USH2A: variants seen among roughly 807,000 people sequenced by gnomAD.
USH2A encodes usherin.
USH2A carries 443 observed loss-of-function variants against 538.9 expected under a neutral mutation model. The observed-to-expected ratio is 0.82, with a 90% CI of 0.76 to 0.89. USH2A has a LOEUF of 0.89. Among genes scored for constraint, USH2A ranks in the 40% least tolerant of loss-of-function variants. The pLI, the probability that USH2A is intolerant of heterozygous loss-of-function variation, is 0.00. For missense variants in USH2A, 6,633 were observed against 6,324.8 expected (o/e 1.05, Z -1.65); for synonymous variants, 2,413 against 2,273.5 (o/e 1.06, Z -1.75).
At chr1:216,152,866 T>A (rs2102621637) in intron 21 of USH2A, among the ~76,000 whole-genome samples, 1 of 152,274 alleles carries the variant, frequency 6.6e-6, no homozygotes, top group African/African-American at 2.4e-5. Flanking sequence ...TGGCCCACCA[T>A]GCCCCACTAT....
Position 216,097,437 on chromosome 1 carries a change from T to C in USH2A, c.4628-224A>G, listed in dbSNP as rs553439252. Among the ~76,000 whole-genome samples the C allele has an allele frequency of 2.6e-5, 4 of 152,276 alleles. No individual in the cohort carries two copies. The East Asian group carries it at 7.7e-4, about 29-fold the overall frequency. On this transcript the variant is annotated intron_variant, in intron 21 of 71. Transcript: ENST00000307340. ...ATGCCCACATTCCTGCTAATCAATA[T>C]ATAATGAAGTTTAAATTTATGCAAA...
chr1:215,708,294 T>A (rs1348958163), intron 61 of USH2A, among the ~76,000 whole-genome samples: 1 of 152,148 alleles, frequency 6.6e-6, no homozygotes, highest in Non-Finnish European at 1.5e-5. Context: ...AGGGAAGCAT[T>A]TTTGTCTGGT....
intron 3 of USH2A, among the ~76,000 whole-genome samples, chr1:216,395,241 C>T (rs954605710): frequency 6.6e-6 from 1 of 152,138 alleles, no homozygotes; most frequent in Non-Finnish European, 1.5e-5. Context: ...TAACAATCAA[C>T]CGAATGTTAA....
intron 46 of USH2A, among the ~76,000 whole-genome samples, chr1:215,842,465 C>T (rs1663708059): frequency 6.6e-6 from 1 of 152,060 alleles, no homozygotes; most frequent in African/African-American, 2.4e-5. Context: ...TGGGTATATA[C>T]CCAAAGAAAT....
intron 61 of USH2A, among the ~76,000 whole-genome samples, chr1:215,727,125 A>T (rs1659843644): frequency 6.6e-6 from 1 of 152,076 alleles, no homozygotes; most frequent in African/African-American, 2.4e-5. Context: ...GAAAAAAATC[A>T]CCAGTAAGCC....
At position 216,249,972 on chromosome 1, in the gene USH2A, C is replaced by T. The variant is rs139439062; in HGVS notation, c.2167+931G>A. Among the ~76,000 whole-genome samples, 21 of 152,064 alleles carry T rather than the reference C, an allele frequency of 1.4e-4. No homozygotes were observed. In the East Asian group the frequency reaches 4.1e-3, roughly 29 times the overall value. On this transcript the variant is annotated intron_variant, in intron 12 of 71. Transcript: ENST00000307340. Reference sequence around the variant, plus strand: ...TCAGTGTTAGAAAAACCATGGATGACTTGGTGTCTTGAATGACAATAGAAA... The same window carrying T: ...TCAGTGTTAGAAAAACCATGGATGATTTGGTGTCTTGAATGACAATAGAAA...
At chr1:215,868,299 C>A (rs903057037) in intron 43 of USH2A, among the ~76,000 whole-genome samples, 1 of 151,976 alleles carries the variant, frequency 6.6e-6, no homozygotes, top group African/African-American at 2.4e-5. Context: ...TTTACTGCCA[C>A]CTAGGTAGAA....
chr1:215,709,952 C>T (rs918604654), intron 61 of USH2A, among the ~76,000 whole-genome samples: 1 of 152,096 alleles, frequency 6.6e-6, no homozygotes, highest in Non-Finnish European at 1.5e-5. Context: ...TGAAGAAGAC[C>T]GATGCACATA....
In USH2A at chr1:216,078,235, C is replaced by A. The variant is rs781101055; in HGVS notation, c.5426G>T (p.Gly1809Val). ...KWNKVIIKKEGSFISASVNGL... is the reference protein window; with the variant it reads ...KWNKVIIKKEVSFISASVNGL... ...ATTCACACTTGCTGATATGAAAGAG[C>A]CTTCCTTTTTAATAATGACTTTATT... Residue 1809 changes from glycine to valine, a missense_variant, in exon 27 of 72, where the codon GGC becomes GTC. By Grantham distance (109) the Gly-to-Val change is moderately radical (BLOSUM62 -3). Coordinates refer to ENST00000307340, the MANE Select transcript of USH2A (RefSeq NM_206933.4). The A allele has an allele frequency of 6.2e-7, 1 of 1,613,882 alleles. No individual in the cohort carries two copies. Among genetic ancestry groups the A allele is most frequent in the Non-Finnish European group, 8.5e-7 (1 of 1,179,832 alleles).
rs529274251 is a variant in USH2A at position 216,085,113 on chromosome 1, A to C, written c.4988-236T>G. Reference sequence around the variant, plus strand: ...TCTGCAGAAACAGATGTTTATGCAGAAACCTTGGTTTTGCAGTAGCAAGAA... The same window carrying C: ...TCTGCAGAAACAGATGTTTATGCAGCAACCTTGGTTTTGCAGTAGCAAGAA... On this transcript the variant is annotated intron_variant, in intron 24 of 71. Coordinates refer to ENST00000307340, the MANE Select transcript of USH2A (RefSeq NM_206933.4). 2.0e-4 allele frequency: 98 copies of C among 492,120 alleles called. No individual in the cohort carries two copies. In the Middle Eastern group the frequency reaches 4.0e-3, roughly 20 times the overall value. The allele number at this position is 492,120 out of a possible 1,614,324, so 30.5% of individuals were successfully genotyped here.
chr1:215,685,354 G>GT (rs34889051), intron 61 of USH2A, among the ~76,000 whole-genome samples: 18,869 of 113,618 alleles, frequency 0.17, 1,405 homozygotes, highest in Non-Finnish European at 0.18. Context: ...TGTTGTTGTT[G>GT]TTTTTTTTTT....
intron 49 of USH2A, among the ~76,000 whole-genome samples, chr1:215,811,083 A>G (rs1662658918): frequency 6.6e-6 from 1 of 152,208 alleles, no homozygotes; most frequent in Non-Finnish European, 1.5e-5. Context: ...TGACAGTGAA[A>G]GAAATGTGAC....
intron 55 of USH2A, among the ~76,000 whole-genome samples, chr1:215,772,910 G>A (rs1410215488): frequency 6.6e-6 from 1 of 152,188 alleles, no homozygotes; most frequent in African/African-American, 2.4e-5. Context: ...TTTGTTTGGT[G>A]CTTATAAAGT....
intron 35 of USH2A, among the ~76,000 whole-genome samples, chr1:215,988,629 T>C (rs1267315393): frequency 6.6e-6 from 1 of 152,358 alleles, no homozygotes; most frequent in African/African-American, 2.4e-5. Context: ...ACCAACAGTA[T>C]TTAAGGGTTC....
intron 36 of USH2A, among the ~76,000 whole-genome samples, chr1:215,967,094 G>C (rs1667364823): frequency 6.6e-6 from 1 of 152,138 alleles, no homozygotes; most frequent in Non-Finnish European, 1.5e-5. Flanking sequence ...CTTTGGCCTG[G>C]GAACCTCTCT....
chr1:215,906,551 A>G (rs1665644561), intron 38 of USH2A, among the ~76,000 whole-genome samples: 1 of 152,068 alleles, frequency 6.6e-6, no homozygotes, highest in Admixed American at 6.6e-5. Context: ...TATTAAATAT[A>G]TTAAATCTAT....
rs376026660 is a variant in USH2A at position 216,091,162 on chromosome 1, G to T, written c.4759-2023C>A. On this transcript the variant is annotated intron_variant, in intron 22 of 71. Coordinates refer to ENST00000307340, the MANE Select transcript of USH2A (RefSeq NM_206933.4). ...CCATCAATGTTGAAAGAACAATTCT[G>T]TGATGACTTCTGGTGTCATATTATG... Among the ~76,000 whole-genome samples the T allele has an allele frequency of 7.9e-5, 12 of 152,272 alleles. 1 individual carries two copies. The highest frequency in any genetic ancestry group is 2.0e-4 in the Admixed American group (3 of 15,292).
At position 216,404,661 on chromosome 1, in the gene USH2A, G is replaced by A. The variant is rs1244598308; in HGVS notation, c.651+13853C>T. ...TTTTAAGACAGGGTCTCACTCTGTTGCCCAGGCTGGAGTGCAGTGGCATGA... is the reference window on the plus strand; with the variant it reads ...TTTTAAGACAGGGTCTCACTCTGTTACCCAGGCTGGAGTGCAGTGGCATGA... On this transcript the variant is annotated intron_variant, in intron 3 of 71. Transcript: ENST00000307340. Among the ~76,000 whole-genome samples, 5 of 118,536 alleles carry A rather than the reference G, an allele frequency of 4.2e-5. No homozygotes were observed. In the Admixed American group the frequency reaches 4.5e-4, roughly 11 times the overall value. 77.8% of individuals were successfully genotyped at this position (118,536 alleles called of 152,430 possible). A position where few individuals can be genotyped will look rare whatever the true frequency, so the allele number is the denominator to read the frequency against.
In USH2A at chr1:215,878,891, G is replaced by A. The variant is rs111033529; in HGVS notation, c.8431C>T (p.Pro2811Ser). The change falls in exon 42 of 72, where the codon CCT becomes TCT. Residue 2811 changes from proline (P) to serine (S), a missense_variant. Pro to Ser is a moderately conservative substitution (Grantham distance 74). Transcript: ENST00000307340. ...GYLGGCTESL[P>S]TYVTTHPTVP... is the part of the protein sequence containing the mutation. ...GTGGGGTGAGTGGTAACATAGGTAG[G>A]TAAACTCTCTGTGCACCCTCCAAGG... 12 of 1,613,906 alleles carry A rather than the reference G, an allele frequency of 7.4e-6. No individual in the cohort carries two copies. The highest frequency in any genetic ancestry group is 1.0e-5 in the Non-Finnish European group (12 of 1,179,980).
Sources: gnomAD v4.1 joint callset for allele counts (sites outside exome capture counted in the v4.1 genomes callset) on GRCh38, gnomAD v4.1.1 for gene constraint, MANE v1.5 for transcripts, NCBI Gene and HGNC (gene_info 2026-07-23, HGNC 2026-07-21) for gene names.